Variants in PEBP4 observed in about 807,000 individuals in gnomAD.
The protein encoded by PEBP4 is phosphatidylethanolamine-binding protein 4.
A neutral mutation model predicts 23.9 loss-of-function variants in PEBP4; 22 were observed. The ratio of observed to expected loss-of-function variants is 0.92; its 90% CI spans 0.66 to 1.31. PEBP4 has a LOEUF of 1.31. Among genes scored for constraint, PEBP4 ranks in the 40% most tolerant of loss-of-function variants. The pLI, the probability that PEBP4 is intolerant of heterozygous loss-of-function variation, is 0.00. For missense variants in PEBP4, 324 were observed against 281.7 expected, an observed-to-expected ratio of 1.15 and a Z score of -1.07; for synonymous variants, 112 against 99.3, an observed-to-expected ratio of 1.13 and a Z score of -0.76.
intron 3 of PEBP4, among the ~76,000 whole-genome samples, chr8:22,818,059 G>A (rs1165866112): frequency 6.6e-6 from 1 of 152,190 alleles, no homozygotes; most frequent in East Asian, 1.9e-4. Flanking sequence ...CCTAAAACAG[G>A]TCTCTGGTCC....
At chr8:22,716,330 T>A (rs779852029) in intron 6 of PEBP4, among the ~76,000 whole-genome samples, 42 of 152,224 alleles carry the variant, frequency 2.8e-4, no homozygotes, top group Middle Eastern at 3.4e-3. Flanking sequence ...ATAGGAAAGA[T>A]GTTAGTGATG....
chr8:22,747,704 A>G (rs1805156051), intron 4 of PEBP4: 1 of 152,214 alleles, frequency 6.6e-6, no homozygotes, highest in South Asian at 2.1e-4. Context: ...AAAAGGCTTA[A>G]AGAATTCACA....
intron 4 of PEBP4, among the ~76,000 whole-genome samples, chr8:22,742,809 C>T (rs1585247611): frequency 2.0e-5 from 3 of 152,220 alleles, no homozygotes; most frequent in African/African-American, 7.2e-5. Context: ...ACCCTAGATC[C>T]TGGCTGATGT....
chr8:22,753,920 A>G (rs370375071), intron 4 of PEBP4, among the ~76,000 whole-genome samples: 2 of 152,196 alleles, frequency 1.3e-5, no homozygotes, highest in South Asian at 4.1e-4. Context: ...CCCTCCCCAC[A>G]ACCTCTGCTG....
chr8:22,726,543 C>T (rs906964343), intron 5 of PEBP4, among the ~76,000 whole-genome samples: 1 of 152,222 alleles, frequency 6.6e-6, no homozygotes, highest in African/African-American at 2.4e-5. Context: ...AGAATTGAGG[C>T]GTGAGGAGGA....
At chr8:22,822,018 G>A (rs761674099) in intron 3 of PEBP4, among the ~76,000 whole-genome samples, 18 of 150,348 alleles carry the variant, frequency 1.2e-4, no homozygotes, top group South Asian at 4.2e-4. Context: ...GGAGAAGAGA[G>A]TTCGGAAGAG....
At chr8:22,917,046 G>A (rs1039532286) in intron 3 of PEBP4, among the ~76,000 whole-genome samples, 4 of 151,706 alleles carry the variant, frequency 2.6e-5, no homozygotes, top group Admixed American at 2.0e-4. Context: ...GCCAGAATAT[G>A]GAGGTGGGAA....
rs140065935 is a variant in PEBP4 at position 22,831,345 on chromosome 8, C to T, written c.259-13610G>A. Among the ~76,000 whole-genome samples, 1,199 of 152,210 alleles carry T rather than the reference C, an allele frequency of 7.9e-3. 18 individuals carry two copies. The highest frequency in any genetic ancestry group is 0.027 in the African/African-American group (1,140 of 41,518). On this transcript the variant is annotated intron_variant, in intron 3 of 6. Coordinates refer to ENST00000256404, the MANE Select transcript of PEBP4 (RefSeq NM_144962.3). Reference sequence around the variant, plus strand: ...TCAGTGTCTCCCACAAGAGTATGACCCCCTTGAAAGTGGGGATGGCATCTA... The same window carrying T: ...TCAGTGTCTCCCACAAGAGTATGACTCCCTTGAAAGTGGGGATGGCATCTA...
intron 4 of PEBP4, among the ~76,000 whole-genome samples, chr8:22,793,168 A>G (rs1199438882): frequency 2.0e-5 from 3 of 152,150 alleles, no homozygotes; most frequent in Non-Finnish European, 4.4e-5. Flanking sequence ...GTTGTGCTCT[A>G]ATTACTTTTC....
intron 4 of PEBP4, among the ~76,000 whole-genome samples, chr8:22,734,331 G>T (rs922456971): frequency 6.6e-6 from 1 of 152,196 alleles, no homozygotes; most frequent in Non-Finnish European, 1.5e-5. Flanking sequence ...GGGGAGAGGA[G>T]GGATGGCCAC....
chr8:22,924,418 C>T (rs552170247), intron 2 of PEBP4, among the ~76,000 whole-genome samples: 45 of 152,168 alleles, frequency 3.0e-4, no homozygotes, highest in African/African-American at 9.4e-4. Flanking sequence ...GGTTGAAGGA[C>T]TGGGGATGAC....
intron 3 of PEBP4, among the ~76,000 whole-genome samples, chr8:22,904,043 C>A (rs2128777451): frequency 6.6e-6 from 1 of 152,344 alleles, no homozygotes; most frequent in Admixed American, 6.5e-5. Context: ...GCTTGCCCTG[C>A]CTCCTGCCAC....
intron 4 of PEBP4, among the ~76,000 whole-genome samples, chr8:22,738,586 C>A (rs1428063425): frequency 6.6e-6 from 1 of 152,080 alleles, no homozygotes; most frequent in Non-Finnish European, 1.5e-5. Context: ...GGCCTAGGGG[C>A]AACCTCAGGC....
chr8:22,778,345 A>C (rs760494858), intron 4 of PEBP4, among the ~76,000 whole-genome samples: 6 of 150,376 alleles, frequency 4.0e-5, no homozygotes, highest in Non-Finnish European at 7.4e-5. Flanking sequence ...TGCCCCACTT[A>C]GTCCTCTTTA....
At chr8:22,741,053 GGC>G (rs1323781271) in intron 4 of PEBP4, among the ~76,000 whole-genome samples, 1 of 152,206 alleles carries the variant, frequency 6.6e-6, no homozygotes, top group Admixed American at 6.5e-5. Flanking sequence ...GGATGGAAGA[GGC>G]GAGAGAAGAG....
chr8:22,863,585 C>T (rs532558187), intron 3 of PEBP4, among the ~76,000 whole-genome samples: 98 of 152,266 alleles, frequency 6.4e-4, no homozygotes, highest in African/African-American at 2.1e-3. Context: ...TATCTCTATA[C>T]GCCTCAGATA....
chr8:22,903,665 T>G (rs1808752601), intron 3 of PEBP4, among the ~76,000 whole-genome samples: 1 of 152,218 alleles, frequency 6.6e-6, no homozygotes, highest in South Asian at 2.1e-4. Context: ...ACATTGCTTT[T>G]TAAAATTCCA....
intron 3 of PEBP4, among the ~76,000 whole-genome samples, chr8:22,822,561 A>G (rs995054148): frequency 2.0e-5 from 3 of 152,084 alleles, no homozygotes; most frequent in South Asian, 2.1e-4. Context: ...TTTGCAAATG[A>G]CATGATTGTC....
intron 5 of PEBP4, among the ~76,000 whole-genome samples, chr8:22,725,750 A>G (rs1302687233): frequency 1.3e-5 from 2 of 151,784 alleles, no homozygotes; most frequent in Non-Finnish European, 2.9e-5. Flanking sequence ...GGAGCCAAGA[A>G]TCTTTCTGGG....
Sources: gnomAD v4.1 joint callset for allele counts (sites outside exome capture counted in the v4.1 genomes callset) on GRCh38, gnomAD v4.1.1 for gene constraint, MANE v1.5 for transcripts, NCBI Gene and HGNC (gene_info 2026-07-23, HGNC 2026-07-21) for gene names.